INSYN2B: variants seen among roughly 807,000 people sequenced by gnomAD.
INSYN2B encodes the protein protein INSYN2B.
INSYN2B carries 16 observed loss-of-function variants against 41.2 expected under a neutral mutation model. The observed-to-expected ratio is 0.39, with a 90% CI of 0.26 to 0.59. The LOEUF (loss-of-function observed/expected upper bound fraction) is 0.59. Ranked by LOEUF, INSYN2B falls within the 20% of genes least tolerant of loss-of-function variation. The pLI is 0.57. For synonymous variants in INSYN2B, 245 were observed against 244.4 expected, an observed-to-expected ratio of 1.00 and a Z score of -0.02; for missense variants, 608 against 646.4, an observed-to-expected ratio of 0.94 and a Z score of 0.64.
At chr5:169,907,264 C>T (rs982206738) in intron 1 of INSYN2B, among the ~76,000 whole-genome samples, 1 of 152,166 alleles carries the variant, frequency 6.6e-6, no homozygotes, top group African/African-American at 2.4e-5. Flanking sequence ...GAAGATACAG[C>T]GATGTGCCCA....
intron 3 of INSYN2B, among the ~76,000 whole-genome samples, chr5:169,867,143 A>ATG (rs1218422837): frequency 6.6e-6 from 1 of 152,218 alleles, no homozygotes; most frequent in Non-Finnish European, 1.5e-5. Context: ...AAGGATACAG[A>ATG]TGAAGAGATG....
chr5:169,923,848 T>G (rs901977870), intron 1 of INSYN2B, among the ~76,000 whole-genome samples: 1 of 152,226 alleles, frequency 6.6e-6, no homozygotes, highest in Non-Finnish European at 1.5e-5. Context: ...CAAGGAGAAT[T>G]TTATCCTGCA....
intron 1 of INSYN2B, among the ~76,000 whole-genome samples, chr5:169,926,357 A>G (rs1224340213): frequency 2.6e-5 from 4 of 152,312 alleles, no homozygotes; most frequent in African/African-American, 9.6e-5. Context: ...CTGAAAAATG[A>G]ACTTCTTATC....
At chr5:169,894,928 G>C (rs1246163222) in intron 1 of INSYN2B, among the ~76,000 whole-genome samples, 2 of 152,182 alleles carry the variant, frequency 1.3e-5, no homozygotes, top group East Asian at 3.9e-4. Context: ...CCCGTCTGCT[G>C]GTTTTGGTGT....
At chr5:169,877,380 A>G (rs1473811872) in intron 3 of INSYN2B, among the ~76,000 whole-genome samples, 1 of 152,200 alleles carries the variant, frequency 6.6e-6, no homozygotes, top group East Asian at 1.9e-4. Flanking sequence ...TCAAGTGACA[A>G]ATGATGAGAG....
intron 1 of INSYN2B, among the ~76,000 whole-genome samples, chr5:169,927,613 A>G (rs918419620): frequency 1.3e-5 from 2 of 152,230 alleles, no homozygotes; most frequent in Non-Finnish European, 2.9e-5. Context: ...GGTAAAACAT[A>G]TAGGAAAAAT....
intron 1 of INSYN2B, among the ~76,000 whole-genome samples, chr5:169,902,438 T>A (rs1360488047): frequency 6.6e-6 from 1 of 152,362 alleles, no homozygotes; most frequent in African/African-American, 2.4e-5. Flanking sequence ...CAGCAGGGCC[T>A]TGTGCTCCAG....
At chr5:169,955,837 G>A (rs184259380) in intron 1 of INSYN2B, among the ~76,000 whole-genome samples, 44 of 152,280 alleles carry the variant, frequency 2.9e-4, no homozygotes, top group African/African-American at 1.0e-3. Flanking sequence ...CATCGATTCA[G>A]TTCCTTTTCA....
At chr5:169,922,990 C>G (rs949488017) in intron 1 of INSYN2B, among the ~76,000 whole-genome samples, 1 of 152,176 alleles carries the variant, frequency 6.6e-6, no homozygotes, top group Admixed American at 6.5e-5. Flanking sequence ...TTTCTCTTAT[C>G]GGTCCCACAG....
chr5:169,925,186 G>A (rs1421064508), intron 1 of INSYN2B, among the ~76,000 whole-genome samples: 2 of 152,172 alleles, frequency 1.3e-5, no homozygotes, highest in African/African-American at 4.8e-5. Context: ...CTGTAGTAGG[G>A]AGCTGAGGAC....
chr5:169,902,913 C>A (rs1462057386), intron 1 of INSYN2B, among the ~76,000 whole-genome samples: 1 of 152,080 alleles, frequency 6.6e-6, no homozygotes, highest in African/African-American at 2.4e-5. Flanking sequence ...TCTTGGCCAA[C>A]ATGGTGAAAC....
chr5:169,923,149 T>C (rs1343339609), intron 1 of INSYN2B, among the ~76,000 whole-genome samples: 1 of 152,210 alleles, frequency 6.6e-6, no homozygotes, highest in Non-Finnish European at 1.5e-5. Flanking sequence ...ACCTCTGTGC[T>C]GGGTTCCTTC....
chr5:169,884,024 C>T lies in INSYN2B; in HGVS notation c.-126G>A. On this transcript the variant is annotated 5_prime_UTR_variant, in exon 2 of 4. Coordinates refer to ENST00000377365, the MANE Select transcript of INSYN2B (RefSeq NM_001129891.3). ...AACTGCTGGCCAGGATGGAGTGGTC[C>T]TCTCCTCTTAGTATGGGAAATCCTG... 1.1e-6 allele frequency: 1 copy of T among 877,160 alleles called. No homozygotes were observed. Among genetic ancestry groups the T allele is most frequent in the Non-Finnish European group, 1.6e-6 (1 of 622,670 alleles). 54.3% of individuals were successfully genotyped at this position (877,160 alleles called of 1,614,324 possible).
chr5:169,881,386 G>A lies in INSYN2B; in HGVS notation c.1403C>T (p.Thr468Met), dbSNP rs745605895. Residue 468 changes from threonine to methionine, a missense_variant, in exon 3 of 4, where the codon ACG (threonine) becomes ATG (methionine). By Grantham distance (81) the Thr-to-Met change is moderately conservative. Transcript: ENST00000377365. ...DLNNCSTCQN[T>M]ACIIYSVEYD... ...CAGGTACCTGTATATGATGCACGCC[G>A]TGTTCTGGCAGGTACTGCAATTGTT... The A allele has an allele frequency of 8.4e-6, 13 of 1,551,374 alleles. No homozygotes were observed. Among genetic ancestry groups the A allele is most frequent in the African/African-American group, 6.8e-5 (5 of 73,030 alleles).
intron 3 of INSYN2B, chr5:169,875,116 TCATGGGC>T: frequency 2.3e-6 from 1 of 437,718 alleles, no homozygotes; most frequent in Admixed American, 2.5e-5. Context: ...TATTTTTTAT[TCATGGGC>T]TGGTTGTCAC....
intron 1 of INSYN2B, among the ~76,000 whole-genome samples, chr5:169,973,163 C>G (rs189912540): frequency 1.3e-5 from 2 of 152,278 alleles, no homozygotes; most frequent in Admixed American, 1.3e-4. Context: ...CTTGGTCACC[C>G]GATGTTCTGT....
intron 1 of INSYN2B, among the ~76,000 whole-genome samples, chr5:169,899,987 T>C (rs1009285879): frequency 1.3e-5 from 2 of 152,204 alleles, no homozygotes; most frequent in African/African-American, 4.8e-5. Context: ...AACTGTCCAT[T>C]GTATTCACTT....
chr5:169,876,101 G>T (rs1772317456), intron 3 of INSYN2B, among the ~76,000 whole-genome samples: 1 of 152,132 alleles, frequency 6.6e-6, no homozygotes, highest in Non-Finnish European at 1.5e-5. Flanking sequence ...TGTGACCACG[G>T]CACTCTGACC....
At position 169,961,978 on chromosome 5, in the gene INSYN2B, C is replaced by CAAAAAAAA. The variant is rs70979150; in HGVS notation, c.-919+18291_-919+18298dup. The stretch of plus-strand genomic sequence containing the variant: ...TGGGTGAAAAAGTGAGACTCTGTCC[C>CAAAAAAAA]AAAAAAAAAAAAAAAAATGGAGAAA... On this transcript the variant is annotated intron_variant, in intron 1 of 3. Transcript: ENST00000377365. 3.6e-3 allele frequency among the ~76,000 whole-genome samples: 267 copies of CAAAAAAAA among 74,610 alleles called. 58 individuals carry two copies. The South Asian group carries it at 0.051, about 14-fold the overall frequency. 48.9% of individuals were successfully genotyped at this position (74,610 alleles called of 152,430 possible).
Sources: allele counts gnomAD v4.1 joint callset (sites outside exome capture counted in the v4.1 genomes callset), GRCh38; gene constraint gnomAD v4.1.1; transcripts MANE v1.5; gene names NCBI Gene and HGNC (gene_info 2026-07-23, HGNC 2026-07-21).